Variants in PLEKHA7 observed in about 807,000 individuals in gnomAD.
PLEKHA7 encodes the protein pleckstrin homology domain containing A7.
PLEKHA7 carries 104 observed loss-of-function variants against 170.0 expected under a neutral mutation model. That is an observed-to-expected ratio of 0.61 (90% CI 0.52 to 0.72). PLEKHA7 has a LOEUF of 0.72. Ranked by LOEUF, PLEKHA7 falls within the 30% of genes least tolerant of loss-of-function variation. The pLI, the probability that PLEKHA7 is intolerant of heterozygous loss-of-function variation, is 0.00. For missense variants in PLEKHA7, 1,615 were observed against 1,671.7 expected, an observed-to-expected ratio of 0.97 and a Z score of 0.59; for synonymous variants, 648 against 660.8, an observed-to-expected ratio of 0.98 and a Z score of 0.30.
intron 3 of PLEKHA7, among the ~76,000 whole-genome samples, chr11:16,971,710 A>G (rs1448765376): frequency 2.0e-5 from 3 of 152,228 alleles, no homozygotes; most frequent in African/African-American, 7.2e-5. Flanking sequence ...AATACAGAGA[A>G]AAACATTTTT....
At chr11:16,858,493 T>A (rs945927056) in intron 4 of PLEKHA7, among the ~76,000 whole-genome samples, 7 of 110,778 alleles carry the variant, frequency 6.3e-5, no homozygotes, top group Non-Finnish European at 1.2e-4. Flanking sequence ...CTTTAACAAA[T>A]TTTTTTTTTT....
intron 4 of PLEKHA7, among the ~76,000 whole-genome samples, chr11:16,864,674 T>C (rs995658408): frequency 3.9e-5 from 6 of 152,220 alleles, no homozygotes; most frequent in African/African-American, 1.4e-4. Flanking sequence ...GGAGTTCCCC[T>C]GCACACACTC....
At chr11:16,913,504 G>A (rs970885572) in intron 3 of PLEKHA7, among the ~76,000 whole-genome samples, 1 of 152,210 alleles carries the variant, frequency 6.6e-6, no homozygotes, top group Non-Finnish European at 1.5e-5. Context: ...AGCTGGCGTC[G>A]CAGTGGTCAC....
At chr11:17,005,717 C>T (rs955467008) in intron 3 of PLEKHA7, among the ~76,000 whole-genome samples, 4 of 152,202 alleles carry the variant, frequency 2.6e-5, no homozygotes, top group African/African-American at 9.6e-5. Flanking sequence ...TTCTTAAAGA[C>T]GTTTCCTTAA....
At chr11:16,842,626 G>T (rs1173781569) in intron 8 of PLEKHA7, 1 of 136,510 alleles carries the variant, frequency 7.3e-6, no homozygotes, top group African/African-American at 2.6e-5. Context: ...CTCAAAAAAA[G>T]GTACTCAGAA....
At chr11:16,979,857 T>A (rs1254662414) in intron 3 of PLEKHA7, among the ~76,000 whole-genome samples, 1 of 152,164 alleles carries the variant, frequency 6.6e-6, no homozygotes, top group Admixed American at 6.6e-5. Context: ...GGCAAGTCCA[T>A]CATAAGCAAG....
chr11:16,949,612 A>C (rs534010201), intron 3 of PLEKHA7, among the ~76,000 whole-genome samples: 1 of 152,302 alleles, frequency 6.6e-6, no homozygotes, highest in South Asian at 2.1e-4. Context: ...TTGTTTGCTC[A>C]TTCATTCATT....
intron 3 of PLEKHA7, among the ~76,000 whole-genome samples, chr11:16,876,825 A>C (rs916219286): frequency 6.6e-6 from 1 of 152,044 alleles, no homozygotes; most frequent in Non-Finnish European, 1.5e-5. Flanking sequence ...ATGAGCAGTG[A>C]CTCCTGTTGG....
intron 3 of PLEKHA7, among the ~76,000 whole-genome samples, chr11:16,925,267 C>G (rs371494586): frequency 6.6e-6 from 1 of 152,192 alleles, no homozygotes; most frequent in Non-Finnish European, 1.5e-5. Flanking sequence ...CTTGGAGACC[C>G]GATTTTTAAA....
At position 16,964,021 on chromosome 11, in the gene PLEKHA7, T is replaced by C. The variant is rs187441547; in HGVS notation, c.221+49968A>G. ...AAACCTCTAATCTACTTTCTGTTTCTATGTATTTGGCTATTCTAGGTATCT... is the reference window on the plus strand; with the variant it reads ...AAACCTCTAATCTACTTTCTGTTTCCATGTATTTGGCTATTCTAGGTATCT... On this transcript the variant is annotated intron_variant, in intron 3 of 26. Transcript: ENST00000531066. Among the ~76,000 whole-genome samples the C allele has an allele frequency of 1.4e-4, 22 of 152,336 alleles. No individual in the cohort carries two copies. The East Asian group carries it at 3.9e-3, about 27-fold the overall frequency.
In PLEKHA7 at chr11:16,817,232, T is replaced by C; in HGVS notation, c.1434A>G (p.Arg478=). The C allele has an allele frequency of 6.2e-7, 1 of 1,613,908 alleles. No homozygotes were observed. The highest frequency in any genetic ancestry group is 2.2e-5 in the East Asian group (1 of 44,864). The change falls in exon 11 of 27, where the codon CGA becomes CGG. Residue 478 remains arginine (R), a synonymous_variant. Transcript: ENST00000531066. The surrounding 1 kb of genome is among the most constrained non-coding windows in gnomAD (Gnocchi z 4.4). The stretch of plus-strand genomic sequence containing the variant: ...GTGGCGAGGAGCCCCCCGAGGGGTG[T>C]CGGGTGCTCTTGGGAAGAGTCTGGT... ...ENYQTLPKST[R]HPSGGSSPPP...
chr11:16,974,552 G>A lies in PLEKHA7; in HGVS notation c.221+39437C>T. 5.5e-6 allele frequency: 2 copies of A among 360,808 alleles called. 1 individual carries two copies. The highest frequency in any genetic ancestry group is 1.3e-4 in the South Asian group (2 of 15,462). The allele number at this position is 360,808 out of a possible 1,614,324, so 22.4% of individuals were successfully genotyped here. The stretch of plus-strand genomic sequence containing the variant: ...TGATAACATGTTATATTACAATAGT[G>A]CAATTGTCAAAAACAGAAAAACTGA... On this transcript the variant is annotated intron_variant, in intron 3 of 26. Coordinates refer to ENST00000531066, the MANE Select transcript of PLEKHA7 (RefSeq NM_001329630.2).
intron 13 of PLEKHA7, among the ~76,000 whole-genome samples, chr11:16,807,721 CA>C (rs1459038677): frequency 4.1e-4 from 62 of 152,328 alleles, no homozygotes; most frequent in African/African-American, 1.5e-3. Context: ...CCCATGGTCC[CA>C]AATGCTTATA....
intron 17 of PLEKHA7, among the ~76,000 whole-genome samples, chr11:16,797,853 C>A (rs376671818): frequency 2.0e-5 from 3 of 152,146 alleles, no homozygotes; most frequent in Non-Finnish European, 4.4e-5. Flanking sequence ...TTCTTGCCCC[C>A]CTGATGCCTT....
At chr11:16,799,065 G>A (rs992661117) in intron 17 of PLEKHA7, among the ~76,000 whole-genome samples, 7 of 152,202 alleles carry the variant, frequency 4.6e-5, no homozygotes, top group African/African-American at 1.2e-4. Context: ...GACAGTAGCC[G>A]ATAGCTGCAT....
At chr11:16,967,511 G>A (rs1862445225) in intron 3 of PLEKHA7, among the ~76,000 whole-genome samples, 1 of 152,200 alleles carries the variant, frequency 6.6e-6, no homozygotes, top group South Asian at 2.1e-4. Context: ...GGAGGAAACA[G>A]CTCTGCTTAA....
At chr11:16,866,982 A>T (rs564051607) in intron 4 of PLEKHA7, among the ~76,000 whole-genome samples, 33 of 152,046 alleles carry the variant, frequency 2.2e-4, no homozygotes, top group Non-Finnish European at 2.1e-4. Flanking sequence ...ATGGGTTTAA[A>T]TTTTTTCTTT....
At chr11:16,821,470 G>C (rs1305844379) in intron 10 of PLEKHA7, among the ~76,000 whole-genome samples, 9 of 152,166 alleles carry the variant, frequency 5.9e-5, no homozygotes, top group African/African-American at 2.2e-4. Flanking sequence ...AGTTTAATGT[G>C]AAATTTGTAT....
intron 3 of PLEKHA7, among the ~76,000 whole-genome samples, chr11:16,901,964 C>T (rs1398299450): frequency 6.6e-6 from 1 of 152,140 alleles, no homozygotes. Flanking sequence ...CATTTCATTG[C>T]CCTAAATGGA....
Sources: gnomAD v4.1 joint callset for allele counts (sites outside exome capture counted in the v4.1 genomes callset) on GRCh38, gnomAD v4.1.1 for gene constraint, Gnocchi (gnomAD v3.1) non-coding constraint, MANE v1.5 for transcripts, NCBI Gene and HGNC (gene_info 2026-07-23, HGNC 2026-07-21) for gene names.